COA1: variants seen among roughly 807,000 people sequenced by gnomAD.
COA1 encodes the protein cytochrome c oxidase assembly factor 1 homolog.
COA1 carries 13 observed loss-of-function variants against 16.0 expected under a neutral mutation model. That is an observed-to-expected ratio of 0.81 (90% confidence interval 0.53 to 1.29). The LOEUF (loss-of-function observed/expected upper bound fraction) is 1.29, where lower values mean the gene tolerates loss of function less well. COA1 is among the 50% of genes most tolerant of loss of function. The probability of loss-of-function intolerance (pLI) is 0.00; values close to 1 mark genes in which losing one functional copy is unlikely to be tolerated. For missense variants in COA1, 179 were observed against 177.0 expected, an observed-to-expected ratio of 1.01 and a Z score of -0.06; for synonymous variants, 65 against 65.7, an observed-to-expected ratio of 0.99 and a Z score of 0.05.
intron 1 of COA1, among the ~76,000 whole-genome samples, chr7:43,715,990 A>C (rs1468293824): frequency 6.6e-6 from 1 of 152,120 alleles, no homozygotes; most frequent in Admixed American, 6.6e-5. Context: ...TCCATGTAAG[A>C]TAGGACTTGC....
At chr7:43,653,455 C>T (rs575067550) in intron 1 of COA1, among the ~76,000 whole-genome samples, 1 of 152,136 alleles carries the variant, frequency 6.6e-6, no homozygotes, top group South Asian at 2.1e-4. Flanking sequence ...TGTGAGTAAA[C>T]ATGATAAAAG....
chr7:43,719,662 G>A (rs2095467303), intron 1 of COA1, among the ~76,000 whole-genome samples: 1 of 152,220 alleles, frequency 6.6e-6, no homozygotes, highest in Non-Finnish European at 1.5e-5. Flanking sequence ...AGTCTGAGGA[G>A]TTGAAAAGTG....
At chr7:43,683,981 CTCAA>C (rs2093894947) in intron 1 of COA1, among the ~76,000 whole-genome samples, 1 of 152,170 alleles carries the variant, frequency 6.6e-6, no homozygotes, top group Non-Finnish European at 1.5e-5. Flanking sequence ...TTAGGGATGA[CTCAA>C]TGGGACCGGA....
chr7:43,609,060 A>G (rs191193443), exon 7 of COA1: 76 of 152,422 alleles, frequency 5.0e-4, no homozygotes, highest in African/African-American at 1.8e-3. Context: ...AAACCAGGGT[A>G]AGCAAAACAA....
intron 1 of COA1, among the ~76,000 whole-genome samples, chr7:43,725,178 C>A (rs1027314589): frequency 6.6e-6 from 1 of 150,652 alleles, no homozygotes; most frequent in Non-Finnish European, 1.5e-5. Context: ...GTGGGGGTTG[C>A]GGTAAGCTGA....
At chr7:43,720,884 T>C (rs1364001055) in intron 1 of COA1, among the ~76,000 whole-genome samples, 1 of 152,246 alleles carries the variant, frequency 6.6e-6, no homozygotes, top group Non-Finnish European at 1.5e-5. Flanking sequence ...TTCCTCTTCA[T>C]CATTTCTCAC....
Position 43,710,363 on chromosome 7 carries a change from A to ATATATATAT in COA1, c.-39+19065_-39+19066insATATATATA. 1.9e-5 allele frequency among the ~76,000 whole-genome samples: 2 copies of ATATATATAT among 107,882 alleles called. 1 individual carries two copies. Among genetic ancestry groups the ATATATATAT allele is most frequent in the South Asian group, 5.7e-4 (2 of 3,520 alleles). The allele number at this position is 107,882 out of a possible 152,430, so 70.8% of individuals were successfully genotyped here. On this transcript the variant is annotated intron_variant, in intron 1 of 5. Transcript: ENST00000223336. ...GACTCTGTCTCAAAAAAAAAAAAAA[A>ATATATATAT]AAAAAAAAAAAAATATATATATATA...
intron 1 of COA1, among the ~76,000 whole-genome samples, chr7:43,654,583 A>G: frequency 8.9e-6 from 1 of 111,892 alleles, no homozygotes; most frequent in Non-Finnish European, 2.4e-5. Context: ...AAGTTATTGA[A>G]AAAAAAATCC....
chr7:43,690,347 G>C (rs891635165), intron 1 of COA1, among the ~76,000 whole-genome samples: 5 of 151,932 alleles, frequency 3.3e-5, no homozygotes, highest in African/African-American at 1.2e-4. Flanking sequence ...CAAAACTATG[G>C]AACCAGCCCA....
At chr7:43,691,469 GAAAGAAAGAAAT>G in intron 1 of COA1, among the ~76,000 whole-genome samples, 3 of 134,512 alleles carry the variant, frequency 2.2e-5, no homozygotes, top group East Asian at 2.1e-4. Context: ...AAGAAAGAAA[GAAAGAAAGAAAT>G]TATCATCAAT....
At chr7:43,725,238 CAAA>C (rs145651296) in intron 1 of COA1, among the ~76,000 whole-genome samples, 7 of 118,862 alleles carry the variant, frequency 5.9e-5, no homozygotes, top group Non-Finnish European at 3.5e-5. Flanking sequence ...AACTCCATCT[CAAA>C]AAAAAAAAAA....
chr7:43,686,309 T>C (rs2130751373), intron 1 of COA1, among the ~76,000 whole-genome samples: 1 of 148,506 alleles, frequency 6.7e-6, no homozygotes, highest in Middle Eastern at 3.4e-3. Context: ...TTGTTTCTTT[T>C]TTTTTTTTTT....
chr7:43,628,269 G>A (rs1031852115), intron 6 of COA1, among the ~76,000 whole-genome samples: 2 of 152,186 alleles, frequency 1.3e-5, no homozygotes, highest in African/African-American at 4.8e-5. Flanking sequence ...TGGGATTACA[G>A]GCGTGAGCCA....
At chr7:43,706,713 T>G in intron 1 of COA1, among the ~76,000 whole-genome samples, 1 of 150,986 alleles carries the variant, frequency 6.6e-6, no homozygotes, top group Non-Finnish European at 1.5e-5. Context: ...CACAAAAAAA[T>G]AGAAAAATTA....
chr7:43,623,675 A>G (rs371980611), intron 6 of COA1: 2 of 1,603,056 alleles, frequency 1.2e-6, no homozygotes, highest in Non-Finnish European at 8.5e-7. Context: ...TGAGTATGGT[A>G]CTAAATTTTT....
chr7:43,722,717 G>C (rs922811983), intron 1 of COA1, among the ~76,000 whole-genome samples: 1 of 152,190 alleles, frequency 6.6e-6, no homozygotes, highest in African/African-American at 2.4e-5. Flanking sequence ...CATTCTTTAT[G>C]TGATTGCATT....
chr7:43,638,180 TGTAACAACTGA>T (rs1325052273), downstream of COA1, among the ~76,000 whole-genome samples: 1 of 152,018 alleles, frequency 6.6e-6, no homozygotes, highest in Non-Finnish European at 1.5e-5. Context: ...AGAGATAACT[TGTAACAACTGA>T]AGACCTCATA....
intron 1 of COA1, among the ~76,000 whole-genome samples, chr7:43,712,521 T>A (rs2095283482): frequency 6.6e-6 from 1 of 152,122 alleles, no homozygotes; most frequent in East Asian, 1.9e-4. Context: ...GTGATCTGGG[T>A]TTTTTTCACT....
At chr7:43,648,383 T>G in intron 2 of COA1, 1 of 643,624 alleles carries the variant, frequency 1.6e-6, no homozygotes. Context: ...GTTCCCAGAG[T>G]GTTACAGCTT....
Sources: gnomAD v4.1 joint callset for allele counts (sites outside exome capture counted in the v4.1 genomes callset) on GRCh38, gnomAD v4.1.1 for gene constraint, MANE v1.5 for transcripts, NCBI Gene and HGNC (gene_info 2026-07-23, HGNC 2026-07-21) for gene names.